The following LAP3 variants were observed in gnomAD, a reference collection of about 807,000 sequenced individuals.
The protein encoded by LAP3 is cytosol aminopeptidase.
A neutral mutation model predicts 58.8 loss-of-function variants in LAP3; 46 were observed. That is an observed-to-expected ratio of 0.78 (90% CI 0.62 to 1.00). LAP3 has a LOEUF of 1.00. Among genes scored for constraint, LAP3 ranks in the 50% least tolerant of loss-of-function variants. The pLI, the probability that LAP3 is intolerant of heterozygous loss-of-function variation, is 0.00. For synonymous variants in LAP3, 257 were observed against 237.7 expected (o/e 1.08, Z -0.75); for missense variants, 615 against 659.1 (o/e 0.93, Z 0.73).
At chr4:17,603,598 C>G (rs560133237) in intron 10 of LAP3, among the ~76,000 whole-genome samples, 1 of 151,818 alleles carries the variant, frequency 6.6e-6, no homozygotes, top group South Asian at 2.1e-4. Context: ...CCTCTGCCTC[C>G]CAGGTTCAAG....
chr4:17,585,232 T>C (rs1421332042), intron 6 of LAP3, 96 bp downstream of exon 6: 1 of 1,037,456 alleles, frequency 9.6e-7, no homozygotes, highest in African/African-American at 1.6e-5. Flanking sequence ...GAGGAATAAC[T>C]TGAGACCAGA....
intron 9 of LAP3, 33 bp from the exon 10 acceptor site, chr4:17,598,423 G>A (rs770338803): frequency 1.3e-5 from 19 of 1,463,306 alleles, no homozygotes; most frequent in East Asian, 2.3e-5. Context: ...CTTTACTTGC[G>A]CTGTCACCCT....
intron 10 of LAP3, among the ~76,000 whole-genome samples, chr4:17,602,724 C>G (rs987710107): frequency 4.6e-5 from 7 of 152,006 alleles, no homozygotes; most frequent in Non-Finnish European, 8.8e-5. Flanking sequence ...GAGTCTCACT[C>G]TGTTGCCCAG....
intron 11 of LAP3, 109 bp downstream of exon 11, chr4:17,604,776 G>C (rs1008288671): frequency 3.7e-5 from 31 of 836,436 alleles, no homozygotes; most frequent in Non-Finnish European, 5.8e-5. Flanking sequence ...TTATGCCGCA[G>C]GTTTGCCTTT....
intron 6 of LAP3, among the ~76,000 whole-genome samples, chr4:17,588,605 C>A (rs1713593743): frequency 6.6e-6 from 1 of 152,112 alleles, no homozygotes; most frequent in Admixed American, 6.5e-5. Flanking sequence ...AATTACAGAC[C>A]TCATTTTATA....
At position 17,604,584 on chromosome 4, in the gene LAP3, A is replaced by G; in HGVS notation, c.1181-4A>G. The G allele has an allele frequency of 6.2e-7, 1 of 1,613,536 alleles. No homozygotes were observed. Among genetic ancestry groups the G allele is most frequent in the Non-Finnish European group, 8.5e-7 (1 of 1,179,464 alleles). On this transcript the variant is annotated splice_polypyrimidine_tract_variant and splice_region_variant and intron_variant, in intron 10 of 12. Transcript: ENST00000226299. ...CACGTGACCTGAGGGCTTGTGTCTT[A>G]CAGGTGCCATGGATGTAGCTTTGGG...
Position 17,607,805 on chromosome 4 carries a change from T to C in LAP3, c.*216T>C. The C allele has an allele frequency of 2.3e-6, 1 of 441,552 alleles. No homozygotes were observed. The highest frequency in any genetic ancestry group is 4.0e-5 in the Admixed American group (1 of 25,278). 27.4% of individuals were successfully genotyped at this position (441,552 alleles called of 1,614,324 possible). The stretch of plus-strand genomic sequence containing the variant: ...TCTTACTTGATAAGGATTTTTAAGA[T>C]ACTCTATAAATGATTAAAATTTTTA... On this transcript the variant is annotated 3_prime_UTR_variant, in exon 13 of 13. Coordinates refer to ENST00000226299, the MANE Select transcript of LAP3 (RefSeq NM_015907.3).
chr4:17,589,022 G>T lies in LAP3; in HGVS notation c.863+45G>T. On this transcript the variant is annotated intron_variant, in intron 7 of 12. Coordinates refer to ENST00000226299, the MANE Select transcript of LAP3 (RefSeq NM_015907.3). ...TGCTTTGTATTTTGGTGAATTATTT[G>T]TGTGCAGTTTAATTACTTGGTTATA... The T allele has an allele frequency of 1.9e-6, 3 of 1,582,866 alleles. 1 individual carries two copies. In the South Asian group the frequency reaches 3.4e-5, roughly 18 times the overall value.
chr4:17,602,400 T>C (rs1714003010), intron 10 of LAP3, among the ~76,000 whole-genome samples: 1 of 152,230 alleles, frequency 6.6e-6, no homozygotes, highest in African/African-American at 2.4e-5. Flanking sequence ...TGATTGTCTC[T>C]TCTCAAGAGG....
At chr4:17,605,333 C>T (rs76160459) in intron 11 of LAP3, among the ~76,000 whole-genome samples, 7,294 of 152,236 alleles carry the variant, frequency 0.048, 269 homozygotes, top group Middle Eastern at 0.11. Context: ...TCCCTTTGGC[C>T]GCCCTTTGGC....
At chr4:17,598,413 C>G (rs1042738404) in intron 9 of LAP3, 43 bp from the exon 10 acceptor site, 1 of 1,407,830 alleles carries the variant, frequency 7.1e-7, no homozygotes, top group Non-Finnish European at 1.0e-6. Flanking sequence ...TTTTCATATT[C>G]TTTACTTGCG....
intron 10 of LAP3, among the ~76,000 whole-genome samples, chr4:17,599,727 G>C (rs572629659): frequency 1.3e-3 from 185 of 146,256 alleles, no homozygotes; most frequent in Admixed American, 1.7e-3. Flanking sequence ...TTTTCTTCTG[G>C]AACTTTTTAT....
intron 2 of LAP3, 100 bp downstream of exon 2, chr4:17,580,039 C>T: frequency 1.4e-6 from 1 of 692,616 alleles, no homozygotes; most frequent in Non-Finnish European, 2.4e-6. Flanking sequence ...GCTCTGTTGC[C>T]CAGGCTGGAG....
intron 6 of LAP3, 164 bp downstream of exon 6, chr4:17,585,300 G>T: frequency 1.8e-6 from 1 of 568,428 alleles, no homozygotes; most frequent in Non-Finnish European, 3.1e-6. Context: ...TGAGTTTGAG[G>T]TTCTTTCTAT....
At chr4:17,582,110 A>G in intron 3 of LAP3, 178 bp from the exon 4 acceptor site, 1 of 622,534 alleles carries the variant, frequency 1.6e-6, no homozygotes, top group Non-Finnish European at 2.8e-6. Context: ...CAATTTTGCC[A>G]GGACACAAAG....
chr4:17,592,375 A>G (rs186552460), intron 7 of LAP3, among the ~76,000 whole-genome samples: 49 of 152,222 alleles, frequency 3.2e-4, no homozygotes, highest in Admixed American at 2.2e-3. Flanking sequence ...GGGTTTATCT[A>G]TGTTGTTGGT....
At chr4:17,577,650 G>T in intron 1 of LAP3, 83 bp downstream of exon 1, 4 of 1,094,196 alleles carry the variant, frequency 3.7e-6, no homozygotes, top group Non-Finnish European at 5.2e-6. Context: ...TCGAAGCCGC[G>T]GTGTCCTGGG....
intron 8 of LAP3, 56 bp from the exon 9 acceptor site, chr4:17,596,990 G>C (rs1378743759): frequency 6.5e-6 from 10 of 1,548,694 alleles, no homozygotes; most frequent in Non-Finnish European, 8.0e-6. Context: ...TTGTCCCATA[G>C]GTGGCATGTT....
At chr4:17,585,334 A>C (rs7670500) in intron 6 of LAP3, 198 bp downstream of exon 6, 1 of 501,928 alleles carries the variant, frequency 2.0e-6, no homozygotes, top group Non-Finnish European at 3.6e-6. Flanking sequence ...TGAGAGAGAG[A>C]GTGCCATGAT....
Sources: allele counts gnomAD v4.1 joint callset (sites outside exome capture counted in the v4.1 genomes callset), GRCh38; gene constraint gnomAD v4.1.1; transcripts MANE v1.5; gene names NCBI Gene and HGNC (gene_info 2026-07-23, HGNC 2026-07-21).